Variants in AGMO observed in about 807,000 individuals in gnomAD.
AGMO encodes glyceryl-ether monooxygenase.
Under a neutral mutation model 60.2 loss-of-function variants are expected in AGMO, and 75 were observed. That is an observed-to-expected ratio of 1.25 (90% CI 1.03 to 1.51). The LOEUF is 1.51. AGMO is among the 40% of genes most tolerant of loss of function. The pLI is 0.00. For missense variants in AGMO, 763 were observed against 525.5 expected, an observed-to-expected ratio of 1.45 and a Z score of -4.42; for synonymous variants, 261 against 177.1, an observed-to-expected ratio of 1.47 and a Z score of -3.76.
At chr7:15,306,958 C>T (rs979469204) in intron 12 of AGMO, among the ~76,000 whole-genome samples, 2 of 151,700 alleles carry the variant, frequency 1.3e-5, no homozygotes, top group African/African-American at 4.8e-5. Flanking sequence ...ATCATTAAAG[C>T]ATACTGAATT....
intron 3 of AGMO, among the ~76,000 whole-genome samples, chr7:15,461,631 C>G (rs1034828778): frequency 2.0e-5 from 3 of 152,054 alleles, no homozygotes; most frequent in Non-Finnish European, 4.4e-5. Flanking sequence ...GCTGGTCTCT[C>G]TAGAATGAGC....
chr7:15,273,808 T>A (rs907470780), intron 12 of AGMO, among the ~76,000 whole-genome samples: 2 of 152,140 alleles, frequency 1.3e-5, no homozygotes, highest in Non-Finnish European at 2.9e-5. Context: ...TGAGCAGTGG[T>A]TTGTAGTTCT....
intron 12 of AGMO, among the ~76,000 whole-genome samples, chr7:15,291,589 T>TCA (rs1414075375): frequency 6.6e-6 from 1 of 152,132 alleles, no homozygotes; most frequent in African/African-American, 2.4e-5. Context: ...TTCAATGTAT[T>TCA]CATCACACAC....
intron 10 of AGMO, 62 bp from the exon 11 acceptor site, chr7:15,366,284 G>A (rs543495583): frequency 6.6e-5 from 86 of 1,308,434 alleles, no homozygotes; most frequent in Non-Finnish European, 7.9e-5. Context: ...GTACACGAAC[G>A]GTTAAAGCTT....
At chr7:15,431,393 T>C (rs942560964) in intron 3 of AGMO, among the ~76,000 whole-genome samples, 1 of 151,870 alleles carries the variant, frequency 6.6e-6, no homozygotes, top group Admixed American at 6.6e-5. Context: ...CCAAAAGTTA[T>C]ACTTTGCTAA....
intron 3 of AGMO, among the ~76,000 whole-genome samples, chr7:15,433,599 T>C (rs1006401474): frequency 6.6e-6 from 1 of 152,134 alleles, no homozygotes; most frequent in Non-Finnish European, 1.5e-5. Context: ...TATGATCATC[T>C]TCCCTAATAC....
chr7:15,543,222 T>C (rs1323191796), intron 3 of AGMO, among the ~76,000 whole-genome samples: 2 of 152,140 alleles, frequency 1.3e-5, no homozygotes, highest in East Asian at 3.9e-4. Context: ...TTTTCAAGAT[T>C]AGAACTTCAG....
chr7:15,175,889 T>G, the AGMO span, among the ~76,000 whole-genome samples: 1 of 151,986 alleles, frequency 6.6e-6, no homozygotes, highest in Non-Finnish European at 1.5e-5. Context: ...ATGAAATTTG[T>G]ATTATACATC....
chr7:15,255,626 C>T (rs1325253410), intron 12 of AGMO, among the ~76,000 whole-genome samples: 1 of 151,170 alleles, frequency 6.6e-6, no homozygotes, highest in African/African-American at 2.4e-5. Context: ...AAAATATTAG[C>T]AATCAGAATT....
At position 15,306,179 on chromosome 7, in the gene AGMO, C is replaced by A. The variant is rs1288050025; in HGVS notation, c.1263+59335G>T. The A allele has an allele frequency of 4.4e-5, 9 of 206,542 alleles. No homozygotes were observed. In the South Asian group the frequency reaches 5.4e-4, roughly 12 times the overall value. 12.8% of individuals were successfully genotyped at this position (206,542 alleles called of 1,614,324 possible). ...TCCTTTCACATCACATTGTACTCAT[C>A]TTAAATGGAATCAAAACTTTGACAT... is the stretch of plus-strand genomic sequence containing the variant. On this transcript the variant is annotated intron_variant, in intron 12 of 12. Coordinates refer to ENST00000342526, the MANE Select transcript of AGMO (RefSeq NM_001004320.2).
In AGMO at chr7:15,387,570, A is replaced by G. The variant is rs1783968558; in HGVS notation, c.823-30T>C. The G allele has an allele frequency of 3.8e-6, 6 of 1,565,794 alleles. No individual in the cohort carries two copies. In the Admixed American group the frequency reaches 5.6e-5, roughly 15 times the overall value. Reference sequence around the variant, plus strand: ...AAACAATAAAAAAAGAGCTTATTTCACATAAGATAAATAGGAAAGATTAAA... The same window carrying G: ...AAACAATAAAAAAAGAGCTTATTTCGCATAAGATAAATAGGAAAGATTAAA... On this transcript the variant is annotated intron_variant, in intron 8 of 12. Transcript: ENST00000342526.
At chr7:15,556,771 T>A (rs1282018596) in intron 2 of AGMO, among the ~76,000 whole-genome samples, 1 of 152,100 alleles carries the variant, frequency 6.6e-6, no homozygotes, top group Non-Finnish European at 1.5e-5. Context: ...TTTTTTACAG[T>A]CACATATGCA....
At chr7:15,449,547 C>G (rs927103225) in intron 3 of AGMO, among the ~76,000 whole-genome samples, 1 of 152,094 alleles carries the variant, frequency 6.6e-6, no homozygotes, top group African/African-American at 2.4e-5. Flanking sequence ...TTATTTGGTA[C>G]AGTAACATGC....
At chr7:15,482,575 G>T (rs1782787958) in intron 3 of AGMO, among the ~76,000 whole-genome samples, 1 of 151,982 alleles carries the variant, frequency 6.6e-6, no homozygotes. Context: ...AAACATTTAA[G>T]GAAGAAATAG....
At chr7:15,136,891 C>T in the AGMO span, among the ~76,000 whole-genome samples, 1 of 151,706 alleles carries the variant, frequency 6.6e-6, no homozygotes, top group Non-Finnish European at 1.5e-5. Flanking sequence ...ACAGGTGTTC[C>T]ACAGAGGTTT....
At chr7:15,530,440 A>G in intron 3 of AGMO, among the ~76,000 whole-genome samples, 1 of 130,372 alleles carries the variant, frequency 7.7e-6, no homozygotes, top group South Asian at 2.4e-4. Flanking sequence ...TTCTATATAT[A>G]TTCTATATAC....
chr7:15,392,851 C>T (rs1358122320), intron 6 of AGMO, among the ~76,000 whole-genome samples: 1 of 152,084 alleles, frequency 6.6e-6, no homozygotes. Flanking sequence ...TACACCTTAT[C>T]TACTGAACAT....
At chr7:15,390,643 A>G (rs770540791) in intron 8 of AGMO, 28 bp downstream of exon 8, 17 of 1,468,234 alleles carry the variant, frequency 1.2e-5, no homozygotes, top group Non-Finnish European at 1.6e-5. Context: ...GATATAAATG[A>G]AGAAAGAATA....
At chr7:15,367,337 A>G (rs899279748) in intron 10 of AGMO, among the ~76,000 whole-genome samples, 4 of 152,034 alleles carry the variant, frequency 2.6e-5, no homozygotes, top group Admixed American at 2.6e-4. Context: ...TTTATATATT[A>G]AAATTTAATG....
Sources: gnomAD v4.1 joint callset for allele counts (sites outside exome capture counted in the v4.1 genomes callset) on GRCh38, gnomAD v4.1.1 for gene constraint, MANE v1.5 for transcripts, NCBI Gene and HGNC (gene_info 2026-07-23, HGNC 2026-07-21) for gene names.